The following ARHGEF38 variants were observed in gnomAD, a reference collection of about 807,000 sequenced individuals.
The protein encoded by ARHGEF38 is Rho guanine nucleotide exchange factor 38.
A neutral mutation model predicts 79.9 loss-of-function variants in ARHGEF38; 79 were observed. The observed-to-expected ratio is 0.99, with a 90% CI of 0.82 to 1.19. ARHGEF38 has a LOEUF of 1.19. Ranked by LOEUF, ARHGEF38 falls within the 50% of genes most tolerant of loss-of-function variation. The pLI is 0.00. For missense variants in ARHGEF38, 962 were observed against 907.2 expected, an observed-to-expected ratio of 1.06 and a Z score of -0.78; for synonymous variants, 366 against 328.3, an observed-to-expected ratio of 1.11 and a Z score of -1.24.
chr4:105,612,887 T>G (rs1728354060), intron 2 of ARHGEF38, among the ~76,000 whole-genome samples: 1 of 152,122 alleles, frequency 6.6e-6, no homozygotes, highest in African/African-American at 2.4e-5. Flanking sequence ...TAGAATATAT[T>G]TAATGATTTC....
intron 1 of ARHGEF38, among the ~76,000 whole-genome samples, chr4:105,576,002 G>C (rs1726478852): frequency 6.6e-6 from 1 of 152,198 alleles, no homozygotes; most frequent in Non-Finnish European, 1.5e-5. Flanking sequence ...TGTTCCCTTA[G>C]TCTATCTGCC....
chr4:105,653,416 G>A (rs927930053), intron 7 of ARHGEF38, among the ~76,000 whole-genome samples: 2 of 150,940 alleles, frequency 1.3e-5, no homozygotes, highest in Admixed American at 6.6e-5. Flanking sequence ...TCCGTCTTCC[G>A]GGTTCAAGCG....
chr4:105,649,571 A>G (rs1181634771), intron 7 of ARHGEF38, among the ~76,000 whole-genome samples: 1 of 152,196 alleles, frequency 6.6e-6, no homozygotes, highest in Non-Finnish European at 1.5e-5. Context: ...TTCTTAGTAT[A>G]CTATCTAGTC....
chr4:105,576,348 G>A (rs1726497641), intron 1 of ARHGEF38, among the ~76,000 whole-genome samples: 1 of 149,202 alleles, frequency 6.7e-6, no homozygotes, highest in Non-Finnish European at 1.5e-5. Context: ...AGTTCTCTTT[G>A]TAGAGAATTT....
intron 1 of ARHGEF38, among the ~76,000 whole-genome samples, chr4:105,571,346 G>A (rs1236809194): frequency 6.6e-5 from 9 of 136,808 alleles, no homozygotes; most frequent in African/African-American, 1.1e-4. Flanking sequence ...TTTTTGAGAC[G>A]GAGTCTCACT....
chr4:105,646,301 C>G (rs1377715552), intron 6 of ARHGEF38, among the ~76,000 whole-genome samples: 3 of 152,090 alleles, frequency 2.0e-5, no homozygotes, highest in Non-Finnish European at 2.9e-5. Context: ...TACAAAGGAT[C>G]ACTGTCCAGA....
At chr4:105,594,082 T>C (rs56009808) in intron 2 of ARHGEF38, among the ~76,000 whole-genome samples, 1 of 152,064 alleles carries the variant, frequency 6.6e-6, no homozygotes, top group African/African-American at 2.4e-5. Flanking sequence ...TTTCATTCTA[T>C]TAGTTCTCTC....
intron 2 of ARHGEF38, among the ~76,000 whole-genome samples, chr4:105,599,237 G>C (rs1436986225): frequency 6.6e-6 from 1 of 152,106 alleles, no homozygotes; most frequent in South Asian, 2.1e-4. Flanking sequence ...GATAGAAACT[G>C]TCCTCCTTGT....
At chr4:105,602,661 T>C (rs993224583) in intron 2 of ARHGEF38, among the ~76,000 whole-genome samples, 8 of 152,104 alleles carry the variant, frequency 5.3e-5, no homozygotes, top group African/African-American at 1.9e-4. Flanking sequence ...TAATAGATGA[T>C]GCACCCAAAG....
chr4:105,676,854 A>G (rs1731140971), intron 13 of ARHGEF38, among the ~76,000 whole-genome samples: 1 of 152,134 alleles, frequency 6.6e-6, no homozygotes, highest in African/African-American at 2.4e-5. Context: ...ATAATATTAG[A>G]CTTATATCGT....
rs1728622117 is a variant in ARHGEF38 at position 105,618,840 on chromosome 4, C to T, written c.508+5333C>T. 2.6e-5 allele frequency among the ~76,000 whole-genome samples: 4 copies of T among 152,144 alleles called. No homozygotes were observed. The South Asian group carries it at 8.3e-4, about 31-fold the overall frequency. On this transcript the variant is annotated intron_variant, in intron 3 of 13. Coordinates refer to ENST00000420470, the MANE Select transcript of ARHGEF38 (RefSeq NM_001242729.2). ...CATTGAGAAACCTAGCAGAGGCCAG[C>T]CACCTTTATCTAGAGATCTAGAGTT...
intron 5 of ARHGEF38, among the ~76,000 whole-genome samples, chr4:105,643,113 A>G (rs553934153): frequency 2.6e-5 from 4 of 150,944 alleles, no homozygotes; most frequent in Admixed American, 1.3e-4. Flanking sequence ...GTTAGAAAAT[A>G]TCTTTTGGGT....
intron 2 of ARHGEF38, among the ~76,000 whole-genome samples, chr4:105,600,634 C>T (rs912048107): frequency 9.2e-5 from 14 of 152,190 alleles, no homozygotes; most frequent in African/African-American, 2.9e-4. Context: ...CCAGCCTAGA[C>T]ATTTTCCCTG....
intron 1 of ARHGEF38, among the ~76,000 whole-genome samples, chr4:105,577,478 T>C (rs767194130): frequency 6.6e-6 from 1 of 152,000 alleles, no homozygotes; most frequent in Non-Finnish European, 1.5e-5. Flanking sequence ...TTGTAATGGT[T>C]TCAGTAGGAT....
At chr4:105,588,019 G>T (rs1298589467) in intron 1 of ARHGEF38, among the ~76,000 whole-genome samples, 1 of 152,188 alleles carries the variant, frequency 6.6e-6, no homozygotes, top group African/African-American at 2.4e-5. Flanking sequence ...GTGGACCAGA[G>T]AGAGAGCTCA....
At chr4:105,596,055 G>A (rs371884287) in intron 2 of ARHGEF38, among the ~76,000 whole-genome samples, 1 of 152,130 alleles carries the variant, frequency 6.6e-6, no homozygotes, top group South Asian at 2.1e-4. Context: ...TAAATTTGAT[G>A]TTCATGCTCT....
chr4:105,641,423 T>A (rs1729610958), intron 5 of ARHGEF38, among the ~76,000 whole-genome samples: 1 of 152,122 alleles, frequency 6.6e-6, no homozygotes, highest in Admixed American at 6.6e-5. Flanking sequence ...AATTTAATAA[T>A]TATTATGATG....
At chr4:105,615,645 T>C (rs1318833776) in intron 3 of ARHGEF38, among the ~76,000 whole-genome samples, 1 of 152,210 alleles carries the variant, frequency 6.6e-6, no homozygotes, top group Non-Finnish European at 1.5e-5. Flanking sequence ...ATTATTATTA[T>C]TATTAGTTGC....
chr4:105,591,878 G>A (rs1376285358), intron 2 of ARHGEF38, among the ~76,000 whole-genome samples: 2 of 152,196 alleles, frequency 1.3e-5, no homozygotes, highest in Admixed American at 1.3e-4. Context: ...ATAAAAATTT[G>A]CTCTTTAGTG....
Sources: allele counts gnomAD v4.1 joint callset (sites outside exome capture counted in the v4.1 genomes callset), GRCh38; gene constraint gnomAD v4.1.1; transcripts MANE v1.5; gene names NCBI Gene and HGNC (gene_info 2026-07-23, HGNC 2026-07-21).